Variants in WWOX observed in about 807,000 individuals in gnomAD.
WWOX encodes WW domain containing oxidoreductase.
A neutral mutation model predicts 46.2 loss-of-function variants in WWOX; 69 were observed. The ratio of observed to expected loss-of-function variants is 1.49; its 90% confidence interval spans 1.23 to 1.82. WWOX has a LOEUF of 1.82. Among genes scored for constraint, WWOX ranks in the 40% most tolerant of loss-of-function variants. The pLI is 0.00. For synonymous variants in WWOX, 359 were observed against 202.6 expected (o/e 1.77, Z -6.56); for missense variants, 919 against 542.6 (o/e 1.69, Z -6.89).
intron 5 of WWOX, among the ~76,000 whole-genome samples, chr16:78,230,657 G>A (rs2037230658): frequency 6.6e-6 from 1 of 152,196 alleles, no homozygotes; most frequent in Non-Finnish European, 1.5e-5. Flanking sequence ...TTTTCAAATG[G>A]AAAAGTTGTT....
intron 8 of WWOX, among the ~76,000 whole-genome samples, chr16:78,663,839 C>T (rs1413674007): frequency 6.6e-6 from 1 of 152,130 alleles, no homozygotes; most frequent in African/African-American, 2.4e-5. Flanking sequence ...GCAGCAAGTG[C>T]AAAGGCCCTG....
intron 8 of WWOX, among the ~76,000 whole-genome samples, chr16:78,868,977 A>C (rs555660525): frequency 6.7e-4 from 102 of 152,234 alleles, no homozygotes; most frequent in African/African-American, 2.3e-3. Flanking sequence ...AGACACACAC[A>C]CACATGCATG....
chr16:78,309,175 CA>C (rs1258569572), intron 5 of WWOX, among the ~76,000 whole-genome samples: 1 of 152,206 alleles, frequency 6.6e-6, no homozygotes, highest in African/African-American at 2.4e-5. Context: ...CCCGACATGT[CA>C]AGGGAGAGAC....
chr16:78,567,012 C>G (rs996614824), intron 8 of WWOX, among the ~76,000 whole-genome samples: 8 of 152,072 alleles, frequency 5.3e-5, no homozygotes, highest in African/African-American at 1.7e-4. Context: ...TTTCTATGTG[C>G]CAGGCATGAG....
chr16:78,451,520 G>C (rs1241643931), intron 8 of WWOX, among the ~76,000 whole-genome samples: 1 of 152,134 alleles, frequency 6.6e-6, no homozygotes, highest in Admixed American at 6.5e-5. Context: ...AAACCAGCCT[G>C]GAATGAATCC....
intron 5 of WWOX, among the ~76,000 whole-genome samples, chr16:78,187,828 T>C (rs900377348): frequency 1.3e-5 from 2 of 152,206 alleles, no homozygotes; most frequent in African/African-American, 4.8e-5. Flanking sequence ...TCAAGCCACA[T>C]TAGAAAGCAG....
intron 6 of WWOX, among the ~76,000 whole-genome samples, chr16:78,417,459 G>A (rs1234093582): frequency 6.6e-6 from 1 of 151,902 alleles, no homozygotes; most frequent in Middle Eastern, 3.2e-3. Flanking sequence ...GTCACGTAGG[G>A]TTCTTAAATA....
At chr16:78,867,252 G>T (rs1028902260) in intron 8 of WWOX, among the ~76,000 whole-genome samples, 20 of 152,110 alleles carry the variant, frequency 1.3e-4, no homozygotes, top group African/African-American at 4.8e-4. Context: ...ACAATGGAGT[G>T]AACATCTTGG....
intron 5 of WWOX, among the ~76,000 whole-genome samples, chr16:78,196,811 C>G (rs982095527): frequency 6.6e-5 from 10 of 152,180 alleles, no homozygotes; most frequent in Admixed American, 3.9e-4. Context: ...AAAGTTTCTG[C>G]TAATGATTTA....
chr16:78,986,910 C>G (rs866938419), intron 8 of WWOX, among the ~76,000 whole-genome samples: 1 of 152,020 alleles, frequency 6.6e-6, no homozygotes, highest in African/African-American at 2.4e-5. Context: ...ACTGCAAGGA[C>G]TCAGTAAAAC....
intron 5 of WWOX, among the ~76,000 whole-genome samples, chr16:78,268,239 T>TA (rs1224346442): frequency 4.6e-5 from 7 of 151,510 alleles, no homozygotes; most frequent in South Asian, 4.2e-4. Context: ...TAGTATTCCT[T>TA]AAAAAAAAAG....
intron 8 of WWOX, among the ~76,000 whole-genome samples, chr16:78,705,363 T>G (rs1211420781): frequency 1.3e-5 from 2 of 152,180 alleles, no homozygotes; most frequent in African/African-American, 4.8e-5. Flanking sequence ...AAACAACACA[T>G]AAGAGAGTCA....
intron 8 of WWOX, among the ~76,000 whole-genome samples, chr16:78,467,251 C>T (rs2084101701): frequency 6.6e-6 from 1 of 152,074 alleles, no homozygotes; most frequent in Admixed American, 6.6e-5. Context: ...TTCTGATCAC[C>T]ACCCATGTTA....
chr16:78,708,447 G>A (rs2048371988), intron 8 of WWOX, among the ~76,000 whole-genome samples: 1 of 152,104 alleles, frequency 6.6e-6, no homozygotes, highest in Non-Finnish European at 1.5e-5. Context: ...CAGGGTCTTG[G>A]TATCTTTCCT....
At position 78,686,239 on chromosome 16, in the gene WWOX, C is replaced by T. The variant is rs549010775; in HGVS notation, c.1056+253487C>T. 1.4e-4 allele frequency among the ~76,000 whole-genome samples: 21 copies of T among 152,162 alleles called. No individual in the cohort carries two copies. The South Asian group carries it at 1.5e-3, about 11-fold the overall frequency. On this transcript the variant is annotated intron_variant, in intron 8 of 8. Transcript: ENST00000566780. Reference sequence around the variant, plus strand: ...CAGAAATCTGTTAGAAGGCCAGGCGCGGTGGCTCAGGCCTGTAATCCCAGG... The same window carrying T: ...CAGAAATCTGTTAGAAGGCCAGGCGTGGTGGCTCAGGCCTGTAATCCCAGG...
At chr16:78,990,547 T>C (rs1251985021) in intron 8 of WWOX, among the ~76,000 whole-genome samples, 1 of 152,212 alleles carries the variant, frequency 6.6e-6, no homozygotes, top group African/African-American at 2.4e-5. Flanking sequence ...CAGCTCTTTG[T>C]TTACACCGGG....
At chr16:79,015,429 T>C (rs954697999) in intron 8 of WWOX, among the ~76,000 whole-genome samples, 1 of 152,194 alleles carries the variant, frequency 6.6e-6, no homozygotes, top group Non-Finnish European at 1.5e-5. Flanking sequence ...TCCTTCCAAG[T>C]GATGGTGAGG....
intron 8 of WWOX, among the ~76,000 whole-genome samples, chr16:78,680,624 T>C (rs1458503984): frequency 2.6e-5 from 4 of 152,208 alleles, no homozygotes; most frequent in Non-Finnish European, 5.9e-5. Flanking sequence ...AATTAAATTT[T>C]AAATAAAATT....
intron 8 of WWOX, among the ~76,000 whole-genome samples, chr16:78,704,085 C>T (rs1383834805): frequency 6.6e-6 from 1 of 151,958 alleles, no homozygotes; most frequent in African/African-American, 2.4e-5. Flanking sequence ...TTTCAATTCA[C>T]TAGATGTTGT....
Sources: gnomAD v4.1 joint callset for allele counts (sites outside exome capture counted in the v4.1 genomes callset) on GRCh38, gnomAD v4.1.1 for gene constraint, MANE v1.5 for transcripts, NCBI Gene and HGNC (gene_info 2026-07-23, HGNC 2026-07-21) for gene names.